The following RGS20 variants were observed in gnomAD, a reference collection of about 807,000 sequenced individuals.
RGS20 encodes the protein regulator of G protein signaling 20.
RGS20 carries 30 observed loss-of-function variants against 33.6 expected under a neutral mutation model. The observed-to-expected ratio is 0.89, with a 90% CI of 0.67 to 1.21. RGS20 has a LOEUF of 1.21. RGS20 is among the 50% of genes most tolerant of loss of function. RGS20 has a pLI of 0.00. For missense variants in RGS20, 472 were observed against 502.4 expected (o/e 0.94, Z 0.58); for synonymous variants, 208 against 197.9 (o/e 1.05, Z -0.43).
chr8:53,891,278 A>G (rs1275367953), intron 2 of RGS20, among the ~76,000 whole-genome samples: 1 of 152,234 alleles, frequency 6.6e-6, no homozygotes, highest in Non-Finnish European at 1.5e-5. Flanking sequence ...ATGACTTTAG[A>G]AATGTAATTT....
chr8:53,923,929 A>G (rs1210191709), intron 2 of RGS20, among the ~76,000 whole-genome samples: 1 of 150,990 alleles, frequency 6.6e-6, no homozygotes, highest in Non-Finnish European at 1.5e-5. Flanking sequence ...CGCAACTTTT[A>G]TTTTTCATTT....
At chr8:53,952,963 C>T (rs532683612) in intron 4 of RGS20, among the ~76,000 whole-genome samples, 8 of 152,092 alleles carry the variant, frequency 5.3e-5, no homozygotes, top group South Asian at 2.1e-4. Flanking sequence ...AGAAGTAGCA[C>T]GAAAATAAAT....
intron 3 of RGS20, among the ~76,000 whole-genome samples, chr8:53,940,525 T>C (rs374125982): frequency 5.3e-5 from 8 of 152,138 alleles, no homozygotes; most frequent in African/African-American, 1.7e-4. Flanking sequence ...AAACTGATAA[T>C]GGACTGATCA....
intron 2 of RGS20, among the ~76,000 whole-genome samples, chr8:53,935,183 A>G (rs190489161): frequency 1.3e-5 from 2 of 152,208 alleles, no homozygotes; most frequent in African/African-American, 4.8e-5. Context: ...TGACACCCTA[A>G]CATCACAATT....
At chr8:53,897,088 A>T (rs1812884853) in intron 2 of RGS20, among the ~76,000 whole-genome samples, 1 of 152,280 alleles carries the variant, frequency 6.6e-6, no homozygotes, top group Non-Finnish European at 1.5e-5. Context: ...TTGCCCAGAC[A>T]TTCCTGTAAG....
At chr8:53,900,720 A>T (rs1332610130) in intron 2 of RGS20, among the ~76,000 whole-genome samples, 1 of 152,156 alleles carries the variant, frequency 6.6e-6, no homozygotes, top group Non-Finnish European at 1.5e-5. Context: ...TCCAGGCCTC[A>T]CAAGTGGCAA....
chr8:53,923,103 G>A (rs1384377876), intron 2 of RGS20, among the ~76,000 whole-genome samples: 1 of 151,724 alleles, frequency 6.6e-6, no homozygotes, highest in Non-Finnish European at 1.5e-5. Context: ...CTACTGTTTT[G>A]TGGCTACTAC....
intron 2 of RGS20, among the ~76,000 whole-genome samples, chr8:53,898,054 G>T (rs985290207): frequency 6.6e-6 from 1 of 152,166 alleles, no homozygotes; most frequent in Non-Finnish European, 1.5e-5. Flanking sequence ...CTGTTCCTCA[G>T]CAGGGCTGGA....
intron 1 of RGS20, among the ~76,000 whole-genome samples, chr8:53,860,541 C>A (rs1041668911): frequency 2.0e-5 from 3 of 151,054 alleles, no homozygotes; most frequent in African/African-American, 7.4e-5. Context: ...GCCCAGGAAC[C>A]TCAGACCAGG....
intron 2 of RGS20, among the ~76,000 whole-genome samples, chr8:53,898,141 CT>C (rs1812920057): frequency 6.6e-6 from 1 of 152,218 alleles, no homozygotes; most frequent in South Asian, 2.1e-4. Context: ...CTGCCTCCCC[CT>C]GGCTATAATT....
chr8:53,854,780 G>C (rs547576545), intron 1 of RGS20, among the ~76,000 whole-genome samples: 2 of 152,298 alleles, frequency 1.3e-5, no homozygotes, highest in South Asian at 4.1e-4. Context: ...ATTTATCCCA[G>C]AGAAATGAAA....
At chr8:53,853,592 G>A (rs1563331845) in intron 1 of RGS20, among the ~76,000 whole-genome samples, 1 of 152,206 alleles carries the variant, frequency 6.6e-6, no homozygotes, top group Non-Finnish European at 1.5e-5. Flanking sequence ...TACAGAAAGA[G>A]GAGACATGTG....
intron 2 of RGS20, among the ~76,000 whole-genome samples, chr8:53,908,735 C>T (rs1457094131): frequency 3.3e-5 from 5 of 151,888 alleles, no homozygotes; most frequent in Admixed American, 2.6e-4. Context: ...GCCCAGGAGG[C>T]GGAGGTAGCA....
At chr8:53,856,974 G>A (rs1030822069) in intron 1 of RGS20, among the ~76,000 whole-genome samples, 5 of 152,188 alleles carry the variant, frequency 3.3e-5, no homozygotes, top group African/African-American at 9.6e-5. Flanking sequence ...GAGGAAAGAA[G>A]AAAGGAAAAA....
intron 4 of RGS20, among the ~76,000 whole-genome samples, chr8:53,947,838 TATATA>T (rs1431325655): frequency 3.8e-4 from 52 of 138,258 alleles, no homozygotes; most frequent in African/African-American, 1.2e-3. Flanking sequence ...ATATATGCTA[TATATA>T]GGATATAGTA....
chr8:53,955,271 A>T (rs1378085892), intron 5 of RGS20, among the ~76,000 whole-genome samples: 2 of 151,768 alleles, frequency 1.3e-5, no homozygotes, highest in African/African-American at 2.4e-5. Context: ...TTCTGGAAAA[A>T]GTATCCCCTG....
At chr8:53,861,229 C>T (rs576816253) in intron 1 of RGS20, among the ~76,000 whole-genome samples, 1 of 152,308 alleles carries the variant, frequency 6.6e-6, no homozygotes, top group South Asian at 2.1e-4. Flanking sequence ...TTCCCACCAC[C>T]AGACATTCTG....
chr8:53,932,656 C>G (rs1814006098), intron 2 of RGS20, among the ~76,000 whole-genome samples: 1 of 152,198 alleles, frequency 6.6e-6, no homozygotes, highest in African/African-American at 2.4e-5. Flanking sequence ...AAACTCTCAT[C>G]TCCCTGGGAC....
chr8:53,880,869 G>A lies in RGS20; in HGVS notation c.510+1267G>A. The A allele has an allele frequency of 1.4e-6, 2 of 1,448,138 alleles. No individual in the cohort carries two copies. The highest frequency in any genetic ancestry group is 2.6e-5 in the South Asian group (2 of 76,154). 89.7% of individuals were successfully genotyped at this position (1,448,138 alleles called of 1,614,324 possible). A position where few individuals can be genotyped will look rare whatever the true frequency, so the allele number is the denominator to read the frequency against. ...AAAAGGAGTGAGGGGGCGGGGAGGA[G>A]GCAGAGCAAGGGGAGGAAGAGGCCG... On this transcript the variant is annotated intron_variant, in intron 2 of 5. Transcript: ENST00000297313.
Sources: gnomAD v4.1 joint callset for allele counts (sites outside exome capture counted in the v4.1 genomes callset) on GRCh38, gnomAD v4.1.1 for gene constraint, MANE v1.5 for transcripts, NCBI Gene and HGNC (gene_info 2026-07-23, HGNC 2026-07-21) for gene names.